Variants in PDXDC1 observed in about 807,000 individuals in gnomAD.
PDXDC1 encodes pyridoxal-dependent decarboxylase domain-containing protein 1.
In PDXDC1, 42 loss-of-function variants were observed where a neutral mutation model predicts 100.1. The ratio of observed to expected loss-of-function variants is 0.42; its 90% CI spans 0.33 to 0.54. The LOEUF (loss-of-function observed/expected upper bound fraction) is 0.54, where lower values mean the gene tolerates loss of function less well. Ranked by LOEUF, PDXDC1 falls within the 20% of genes least tolerant of loss-of-function variation. The pLI, the probability that PDXDC1 is intolerant of heterozygous loss-of-function variation, is 0.10. For synonymous variants in PDXDC1, 260 were observed against 371.7 expected, an observed-to-expected ratio of 0.70 and a Z score of 3.46; for missense variants, 636 against 979.2, an observed-to-expected ratio of 0.65 and a Z score of 4.68.
At chr16:15,058,927 C>T (rs557221292) in intron 16 of PDXDC1, among the ~76,000 whole-genome samples, 16 of 152,266 alleles carry the variant, frequency 1.1e-4, no homozygotes, top group African/African-American at 3.9e-4. Context: ...GCTACCACAC[C>T]TGGCCCCAAA....
intron 1 of PDXDC1, among the ~76,000 whole-genome samples, chr16:14,995,600 C>G (rs1330858083): frequency 6.6e-6 from 1 of 152,274 alleles, no homozygotes. Context: ...GTCTAAAATT[C>G]TCTTTTTTTG....
intron 16 of PDXDC1, among the ~76,000 whole-genome samples, chr16:15,054,673 A>G (rs1054543872): frequency 2.0e-5 from 3 of 152,176 alleles, no homozygotes; most frequent in African/African-American, 7.2e-5. Context: ...GTCACCCTTC[A>G]GAACACGTTC....
downstream of PDXDC1, among the ~76,000 whole-genome samples, chr16:15,041,911 T>C (rs1230612527): frequency 6.6e-6 from 1 of 152,188 alleles, no homozygotes; most frequent in Admixed American, 6.5e-5. Flanking sequence ...CGAAGGAGCC[T>C]GGGCTGAGCC....
At chr16:14,993,998 CTTGTAAAT>C (rs1209396743) in intron 1 of PDXDC1, among the ~76,000 whole-genome samples, 5 of 152,378 alleles carry the variant, frequency 3.3e-5, no homozygotes, top group African/African-American at 1.2e-4. Context: ...TTGTTTTTTT[CTTGTAAAT>C]TTGTTTGAGT....
chr16:15,024,827 A>G (rs1310718506), intron 13 of PDXDC1, among the ~76,000 whole-genome samples: 1 of 152,306 alleles, frequency 6.6e-6, no homozygotes, highest in Non-Finnish European at 1.5e-5. Context: ...ACCGTCAGAC[A>G]TCACTCCATC....
In PDXDC1 at chr16:15,136,267, G is replaced by C; in HGVS notation, c.1400-2612G>C. 3 of 615,398 alleles carry C rather than the reference G, an allele frequency of 4.9e-6. No homozygotes were observed. In the South Asian group the frequency reaches 5.9e-5, roughly 12 times the overall value. The allele number at this position is 615,398 out of a possible 1,614,324, so 38.1% of individuals were successfully genotyped here. A position where few individuals can be genotyped will look rare whatever the true frequency, so the allele number is the denominator to read the frequency against. On this transcript the variant is annotated intron_variant, in intron 16 of 16. Coordinates refer to the PDXDC1 transcript ENST00000535621. ...TGAGGCTCAGAGCCTGGAGAGCAGG[G>C]CCCACCACCCCAGGCTCACAGCAGC... is the stretch of plus-strand genomic sequence containing the variant.
chr16:15,140,612 C>A (rs1303010367), downstream of PDXDC1, among the ~76,000 whole-genome samples: 1 of 152,164 alleles, frequency 6.6e-6, no homozygotes. Context: ...GAAGAAAAGG[C>A]AACAGAAACC....
chr16:15,036,357 T>A lies in PDXDC1; in HGVS notation c.*82T>A. ...TATTGGAAATGTGAACTGTGCCACA[T>A]ACTAATATAAATTACTGTTGTTTGT... is the stretch of plus-strand genomic sequence containing the variant. On this transcript the variant is annotated 3_prime_UTR_variant, in exon 23 of 23. Coordinates refer to ENST00000396410, the MANE Select transcript of PDXDC1 (RefSeq NM_015027.4). 7.9e-7 allele frequency: 1 copy of A among 1,272,398 alleles called. No individual in the cohort carries two copies. Among genetic ancestry groups the A allele is most frequent in the Non-Finnish European group, 1.1e-6 (1 of 907,018 alleles). The allele number at this position is 1,272,398 out of a possible 1,614,324, so 78.8% of individuals were successfully genotyped here. A position where few individuals can be genotyped will look rare whatever the true frequency, so the allele number is the denominator to read the frequency against.
chr16:15,124,428 G>A (rs1201203969), intron 16 of PDXDC1, among the ~76,000 whole-genome samples: 1 of 152,118 alleles, frequency 6.6e-6, no homozygotes, highest in African/African-American at 2.4e-5. Context: ...CAAATAGAAA[G>A]CCAATGCCTT....
At chr16:15,069,246 G>A (rs1029559706) in intron 16 of PDXDC1, among the ~76,000 whole-genome samples, 8 of 152,094 alleles carry the variant, frequency 5.3e-5, no homozygotes, top group African/African-American at 4.8e-5. Context: ...ACTGCTGTTG[G>A]CAGCTAGTAG....
At chr16:15,008,311 T>C (rs1430630681) in intron 6 of PDXDC1, among the ~76,000 whole-genome samples, 2 of 152,290 alleles carry the variant, frequency 1.3e-5, no homozygotes, top group Admixed American at 1.3e-4. Context: ...CTGACTTCAC[T>C]TCTCTTGAGA....
chr16:15,068,042 T>C, intron 16 of PDXDC1: 1 of 861,748 alleles, frequency 1.2e-6, no homozygotes. Flanking sequence ...ATTACAGGTG[T>C]CAGCCACCAC....
chr16:15,086,858 C>T (rs1375113166), intron 16 of PDXDC1, among the ~76,000 whole-genome samples: 5 of 152,176 alleles, frequency 3.3e-5, no homozygotes, highest in Admixed American at 1.3e-4. Flanking sequence ...AGGAAGCATG[C>T]TGATAAAACT....
chr16:14,996,780 C>T (rs533879263), intron 1 of PDXDC1, among the ~76,000 whole-genome samples: 1 of 152,374 alleles, frequency 6.6e-6, no homozygotes, highest in Admixed American at 6.5e-5. Flanking sequence ...TCACTTGATC[C>T]CTGGAGGTCA....
rs139756415 is a variant in PDXDC1, at chr16:15,063,237, T to G, written c.1399+33181T>G. The G allele has an allele frequency of 1.1e-5, 18 of 1,613,480 alleles. No individual in the cohort carries two copies. Among genetic ancestry groups the G allele is most frequent in the Middle Eastern group, 3.3e-4 (2 of 6,078 alleles). Reference sequence around the variant, plus strand: ...TTGAACTCCTGTAGCTCTTCAGCACTCATGTCTTCCCACACCTGATAAATA... The same window carrying G: ...TTGAACTCCTGTAGCTCTTCAGCACGCATGTCTTCCCACACCTGATAAATA... On this transcript the variant is annotated intron_variant, in intron 16 of 16. Transcript: ENST00000535621.
chr16:15,023,243 C>A (rs528192218), intron 13 of PDXDC1, among the ~76,000 whole-genome samples: 201 of 152,318 alleles, frequency 1.3e-3, no homozygotes, highest in African/African-American at 4.5e-3. Context: ...GTGAATCCAA[C>A]AGATTGTTCC....
intron 4 of PDXDC1, among the ~76,000 whole-genome samples, 193 bp from the exon 5 acceptor site, chr16:15,003,994 A>T (rs532033766): frequency 8.7e-4 from 132 of 152,348 alleles, no homozygotes; most frequent in African/African-American, 1.5e-3. Context: ...CAGAAAAAAA[A>T]ATATATTTTT....
At chr16:15,136,205 G>C (rs1265064605) in intron 16 of PDXDC1, 8 of 691,802 alleles carry the variant, frequency 1.2e-5, no homozygotes, top group East Asian at 8.1e-5. Flanking sequence ...AGCCCGCTGG[G>C]AGCCCCATCA....
At chr16:14,993,269 T>C (rs1388766840) in intron 1 of PDXDC1, among the ~76,000 whole-genome samples, 1 of 152,118 alleles carries the variant, frequency 6.6e-6, no homozygotes, top group Non-Finnish European at 1.5e-5. Context: ...ATTAGTTATA[T>C]CTCCTAATGC....
Sources: allele counts gnomAD v4.1 joint callset (sites outside exome capture counted in the v4.1 genomes callset), GRCh38; gene constraint gnomAD v4.1.1; transcripts MANE v1.5; gene names NCBI Gene and HGNC (gene_info 2026-07-23, HGNC 2026-07-21).